Variants in PDF observed in about 807,000 individuals in gnomAD.
PDF encodes peptide deformylase, mitochondrial.
A neutral mutation model predicts 20.3 loss-of-function variants in PDF; 31 were observed. That is an observed-to-expected ratio of 1.52 (90% CI 1.15 to 2.06). The LOEUF is 2.06. PDF is among the 30% of genes most tolerant of loss of function. The pLI is 0.00. For synonymous variants in PDF, 254 were observed against 172.0 expected (o/e 1.48, Z -3.73); for missense variants, 447 against 362.5 (o/e 1.23, Z -1.89).
chr16:69,329,087 G>A lies in PDF; in HGVS notation c.667C>T (p.Leu223=). ...QHEMDHLQGC[L]FIDKMDSRTF... ...CTGCTGTCCATTTTGTCAATAAACA[G>A]GCAGCCCTGCAGGTGGTCCATCTCG... The change falls in exon 2 of 2, where the codon CTG becomes TTG. Residue 223 remains leucine (L), a synonymous_variant. Coordinates refer to ENST00000288022, the MANE Select transcript of PDF (RefSeq NM_022341.2). 6.2e-7 allele frequency: 1 copy of A among 1,612,042 alleles called. No individual in the cohort carries two copies. The highest frequency in any genetic ancestry group is 1.1e-5 in the South Asian group (1 of 90,824).
At position 69,330,165 on chromosome 16, in the gene PDF, G is replaced by C; in HGVS notation, c.406C>G (p.Pro136Ala). 2 of 1,532,440 alleles carry C rather than the reference G, an allele frequency of 1.3e-6. No individual in the cohort carries two copies. The highest frequency in any genetic ancestry group is 1.2e-5 in the South Asian group (1 of 81,152). The allele number at this position is 1,532,440 out of a possible 1,614,324, so 94.9% of individuals were successfully genotyped here. Residue 136 changes from proline to alanine, a missense_variant, in exon 1 of 2, where the codon CCG becomes GCG. Coordinates refer to ENST00000288022, the MANE Select transcript of PDF (RefSeq NM_022341.2). ...ELPEALCREC[P>A]PRQRALRQME... ...TGGCGGAGCGCGCGCTGGCGGGGCGGGCACTCCCGACACAGCGCCTCGGGG... is the reference window on the plus strand; with the variant it reads ...TGGCGGAGCGCGCGCTGGCGGGGCGCGCACTCCCGACACAGCGCCTCGGGG...
At position 69,329,124 on chromosome 16, in the gene PDF, G is replaced by C. The variant is rs1196388488; in HGVS notation, c.630C>G (p.Arg210=). ...VVWQASGWAA[R]IIQHEMDHLQ... ...GGTGGTCCATCTCGTGCTGGATGAT[G>C]CGGGCTGCCCACCCGCTCGCCTGCC... The change falls in exon 2 of 2, where the codon CGC becomes CGG. Residue 210 remains arginine, a synonymous_variant. Transcript: ENST00000288022. The C allele has an allele frequency of 6.2e-7, 1 of 1,610,054 alleles. No individual in the cohort carries two copies. The highest frequency in any genetic ancestry group is 1.7e-5 in the Admixed American group (1 of 59,686).
Position 69,330,320 on chromosome 16 carries a change from C to A in PDF, c.251G>T (p.Arg84Leu). Residue 84 changes from arginine to leucine, a missense_variant, in exon 1 of 2, where the codon CGG becomes CTG. Transcript: ENST00000288022. The stretch of plus-strand genomic sequence containing the variant: ...CAGCTCGGGCCCGCCTAGCTGCGCC[C>A]GCTCCACCGGGGCCGCCACGCCGCG... ...VLRGVAAPVE[R>L]AQLGGPELQR... 2 of 1,443,944 alleles carry A rather than the reference C, an allele frequency of 1.4e-6. No homozygotes were observed. The highest frequency in any genetic ancestry group is 1.8e-6 in the Non-Finnish European group (2 of 1,106,712). The allele number at this position is 1,443,944 out of a possible 1,614,324, so 89.4% of individuals were successfully genotyped here.
Position 69,329,142 on chromosome 16 carries a change from C to G in PDF, c.612G>C (p.Ala204=), listed in dbSNP as rs761040407. 3 of 1,608,270 alleles carry G rather than the reference C, an allele frequency of 1.9e-6. No homozygotes were observed. Among genetic ancestry groups the G allele is most frequent in the East Asian group, 2.2e-5 (1 of 44,688 alleles). The change falls in exon 2 of 2, where the codon GCG becomes GCC. Residue 204 remains alanine (A), a synonymous_variant. Coordinates refer to ENST00000288022, the MANE Select transcript of PDF (RefSeq NM_022341.2). ...GGATGATGCGGGCTGCCCACCCGCT[C>G]GCCTGCCACACCACCTGTTCTCCAT... ...DPNGEQVVWQ[A]SGWAARIIQH...
In PDF at chr16:69,330,163, C is replaced by G. The variant is rs756710706; in HGVS notation, c.408G>C (p.Pro136=). ...TTTGGCGGAGCGCGCGCTGGCGGGG[C>G]GGGCACTCCCGACACAGCGCCTCGG... The part of the protein sequence containing the change: ...ELPEALCREC[P]PRQRALRQME... Residue 136 remains proline (P), a synonymous_variant, in exon 1 of 2, where the codon CCG becomes CCC. Coordinates refer to ENST00000288022, the MANE Select transcript of PDF (RefSeq NM_022341.2). 1.4e-5 allele frequency: 21 copies of G among 1,530,948 alleles called. No homozygotes were observed. Among genetic ancestry groups the G allele is most frequent in the Middle Eastern group, 3.9e-4 (2 of 5,160 alleles). The allele number at this position is 1,530,948 out of a possible 1,614,324, so 94.8% of individuals were successfully genotyped here. A position where few individuals can be genotyped will look rare whatever the true frequency, so the allele number is the denominator to read the frequency against.
In PDF at chr16:69,328,804, T is replaced by C. The variant is rs547836079; in HGVS notation, c.*218A>G. ...TAGGAAATGTCCACTCCTTTGGGGG[T>C]GATTTTTCTCCTCAAGTTGTAGCCA... On this transcript the variant is annotated 3_prime_UTR_variant, in exon 2 of 2. Coordinates refer to ENST00000288022, the MANE Select transcript of PDF (RefSeq NM_022341.2). The C allele has an allele frequency of 8.2e-5, 47 of 575,702 alleles. No individual in the cohort carries two copies. The highest frequency in any genetic ancestry group is 1.2e-4 in the Non-Finnish European group (42 of 340,310). 35.7% of individuals were successfully genotyped at this position (575,702 alleles called of 1,614,324 possible).
At position 69,328,286 on chromosome 16, in the gene PDF, C is replaced by T. The variant is rs1965665176; in HGVS notation, c.*736G>A. Reference sequence around the variant, plus strand: ...CACATTGGTTGCTGTGATATTAATTCTATTTTTACAAAATAAGTGTATAAC... The same window carrying T: ...CACATTGGTTGCTGTGATATTAATTTTATTTTTACAAAATAAGTGTATAAC... On this transcript the variant is annotated 3_prime_UTR_variant, in exon 2 of 2. Coordinates refer to ENST00000288022, the MANE Select transcript of PDF (RefSeq NM_022341.2). 1 of 151,220 alleles carries T rather than the reference C, an allele frequency of 6.6e-6. No homozygotes were observed. Among genetic ancestry groups the T allele is most frequent in the African/African-American group, 2.4e-5 (1 of 41,242 alleles). The allele number at this position is 151,220 out of a possible 1,614,324, so 9.4% of individuals were successfully genotyped here. A position where few individuals can be genotyped will look rare whatever the true frequency, so the allele number is the denominator to read the frequency against.
In PDF at chr16:69,328,697, T is replaced by C. The variant is rs1166344062; in HGVS notation, c.*325A>G. On this transcript the variant is annotated 3_prime_UTR_variant, in exon 2 of 2. Coordinates refer to ENST00000288022, the MANE Select transcript of PDF (RefSeq NM_022341.2). The stretch of plus-strand genomic sequence containing the variant: ...GACTACATTATTACCAAACCTTGGC[T>C]TTGGGAGATTATACAGGTCCGAGGA... 3.7e-6 allele frequency: 1 copy of C among 271,258 alleles called. No individual in the cohort carries two copies. Among genetic ancestry groups the C allele is most frequent in the Non-Finnish European group, 6.9e-6 (1 of 144,586 alleles). The allele number at this position is 271,258 out of a possible 1,614,324, so 16.8% of individuals were successfully genotyped here.
chr16:69,329,284 C>G, intron 1 of PDF, 105 bp from the exon 2 acceptor site: 1 of 1,247,354 alleles, frequency 8.0e-7, no homozygotes. Context: ...TGACAAGAGG[C>G]AACAGCAGAT....
At position 69,328,545 on chromosome 16, in the gene PDF, T is replaced by C. The variant is rs1965671515; in HGVS notation, c.*477A>G. 5.7e-6 allele frequency: 1 copy of C among 175,096 alleles called. No individual in the cohort carries two copies. Among genetic ancestry groups the C allele is most frequent in the Non-Finnish European group, 1.2e-5 (1 of 83,352 alleles). The allele number at this position is 175,096 out of a possible 1,614,324, so 10.8% of individuals were successfully genotyped here. On this transcript the variant is annotated 3_prime_UTR_variant, in exon 2 of 2. Coordinates refer to ENST00000288022, the MANE Select transcript of PDF (RefSeq NM_022341.2). ...GAAACACATCCTTGAACAGGGACTA[T>C]TCTCTTTCATTTCCATAAGCAAACT...
Position 69,330,078 on chromosome 16 carries a change from G to A in PDF, c.493C>T (p.Leu165=), listed in dbSNP as rs1033335957. Residue 165 remains leucine (L), a synonymous_variant, in exon 1 of 2, where the codon CTG becomes TTG. Coordinates refer to ENST00000288022, the MANE Select transcript of PDF (RefSeq NM_022341.2). ...TCGCAGCCCTCGGGAAAGGTGACCA[G>A]GCGGCTGTCAAGCACTCGCAGGCTG... ...NPSLRVLDSR[L]VTFPEGCESV... 1 of 1,569,730 alleles carries A rather than the reference G, an allele frequency of 6.4e-7. No individual in the cohort carries two copies.
At position 69,328,750 on chromosome 16, in the gene PDF, T is replaced by C; in HGVS notation, c.*272A>G. On this transcript the variant is annotated 3_prime_UTR_variant, in exon 2 of 2. Transcript: ENST00000288022. ...TCGTGTCTACTGCAGACGAATGCAA[T>C]TACCCCACCTTCCTCCATACAGAAT... 6 of 432,266 alleles carry C rather than the reference T, an allele frequency of 1.4e-5. No individual in the cohort carries two copies. The South Asian group carries it at 1.7e-4, about 12-fold the overall frequency. 26.8% of individuals were successfully genotyped at this position (432,266 alleles called of 1,614,324 possible).
rs990266329 is a variant in PDF, at chr16:69,330,261, G to A, written c.310C>T (p.Arg104Trp). The A allele has an allele frequency of 1.7e-5, 24 of 1,438,274 alleles. No homozygotes were observed. Among genetic ancestry groups the A allele is most frequent in the Admixed American group, 3.0e-5 (1 of 33,560 alleles). The allele number at this position is 1,438,274 out of a possible 1,614,324, so 89.1% of individuals were successfully genotyped here. The stretch of plus-strand genomic sequence containing the variant: ...CTTAGGCCCACGCAGCGCCGCCGCC[G>A]CATCACCTGGACCAGCCGTTGCGTC... The part of the protein sequence containing the change: ...RLTQRLVQVM[R>W]RRRCVGLSAP... Residue 104 changes from arginine to tryptophan, a missense_variant, in exon 1 of 2, where the codon CGG becomes TGG. Transcript: ENST00000288022.
At chr16:69,329,255 C>CG (rs1965703765) in intron 1 of PDF, 76 bp from the exon 2 acceptor site, 1 of 1,417,390 alleles carries the variant, frequency 7.1e-7, no homozygotes, top group East Asian at 2.7e-5. Flanking sequence ...CCCCTGCCCC[C>CG]GGTCCTGGCT....
Position 69,330,430 on chromosome 16 carries a change from G to T in PDF, c.141C>A (p.Ser47=). The change falls in exon 1 of 2, where the codon TCC becomes TCA. Residue 47 remains serine (S), a synonymous_variant. Transcript: ENST00000288022. ...DGVEGPALRR[S]YWRHLRRLVL... ...CCAGACGCCTCAGGTGGCGCCAATA[G>T]GAGCGCCGCAGCGCCGGGCCCTCGA... is the stretch of plus-strand genomic sequence containing the variant. 1 of 1,476,148 alleles carries T rather than the reference G, an allele frequency of 6.8e-7. No individual in the cohort carries two copies. Among genetic ancestry groups the T allele is most frequent in the Non-Finnish European group, 8.9e-7 (1 of 1,121,656 alleles). 91.4% of individuals were successfully genotyped at this position (1,476,148 alleles called of 1,614,324 possible).
chr16:69,330,485 G>T lies in PDF; in HGVS notation c.86C>A (p.Ala29Asp), dbSNP rs2143313542. Residue 29 changes from alanine (A) to aspartate (D), a missense_variant, in exon 1 of 2, where the codon GCT (alanine) becomes GAT (aspartate). Ala to Asp is a moderately radical substitution (Grantham distance 126). Transcript: ENST00000288022. Reference protein sequence around the residue: ...WGGAAAVGVRACSSTAAPDGV... With the variant: ...WGGAAAVGVRDCSSTAAPDGV... Reference sequence around the variant, plus strand: ...GTCCGGGGCGGCCGTGGAGCTGCAAGCCCGGACACCGACGGCTGCCGCCCC... The same window carrying T: ...GTCCGGGGCGGCCGTGGAGCTGCAATCCCGGACACCGACGGCTGCCGCCCC... 1 of 1,472,788 alleles carries T rather than the reference G, an allele frequency of 6.8e-7. No individual in the cohort carries two copies. Among genetic ancestry groups the T allele is most frequent in the Non-Finnish European group, 8.9e-7 (1 of 1,120,802 alleles). The allele number at this position is 1,472,788 out of a possible 1,614,324, so 91.2% of individuals were successfully genotyped here.
chr16:69,329,480 G>A (rs1488870989), intron 1 of PDF, among the ~76,000 whole-genome samples: 1 of 152,198 alleles, frequency 6.6e-6, no homozygotes, highest in Non-Finnish European at 1.5e-5. Flanking sequence ...TGAGGTACCT[G>A]TGGGCTCCCA....
intron 1 of PDF, among the ~76,000 whole-genome samples, chr16:69,329,755 G>A (rs903224583): frequency 6.6e-6 from 1 of 152,242 alleles, no homozygotes; most frequent in Non-Finnish European, 1.5e-5. Flanking sequence ...GGAGCAGAAA[G>A]CAGACGCCAG....
At chr16:69,329,276 A>T in intron 1 of PDF, 97 bp from the exon 2 acceptor site, 3 of 1,283,288 alleles carry the variant, frequency 2.3e-6, no homozygotes, top group Non-Finnish European at 3.1e-6. Context: ...GTTCCCATTG[A>T]CAAGAGGCAA....
Sources: gnomAD v4.1 joint callset for allele counts (sites outside exome capture counted in the v4.1 genomes callset) on GRCh38, gnomAD v4.1.1 for gene constraint, MANE v1.5 for transcripts, NCBI Gene and HGNC (gene_info 2026-07-23, HGNC 2026-07-21) for gene names.